Variants in SYT3 observed in about 807,000 individuals in gnomAD.
SYT3 encodes synaptotagmin 3.
In SYT3, 25 loss-of-function variants were observed where a neutral mutation model predicts 50.6. The ratio of observed to expected loss-of-function variants is 0.49; its 90% CI spans 0.36 to 0.69. SYT3 has a LOEUF of 0.69. Ranked by LOEUF, SYT3 falls within the 30% of genes least tolerant of loss-of-function variation. SYT3 has a pLI of 0.00. For synonymous variants in SYT3, 323 were observed against 353.9 expected (o/e 0.91, Z 0.98); for missense variants, 589 against 793.6 (o/e 0.74, Z 3.10).
At chr19:50,626,494 CAG>C (rs200426064) in intron 6 of SYT3, among the ~76,000 whole-genome samples, 2 of 61,408 alleles carry the variant, frequency 3.3e-5, no homozygotes, top group African/African-American at 1.1e-4. Flanking sequence ...GACAGAGGCC[CAG>C]AGAGAGAGGG....
chr19:50,632,865 C>T lies in SYT3; in HGVS notation c.149-54G>A. ...TCAGGATGGGGTCACAGTACATCCT[C>T]CCTCTGCTGTCCCCAAAGAGTTAAC... On this transcript the variant is annotated intron_variant, in intron 3 of 10. Transcript: ENST00000600079. The surrounding 1 kb of genome is among the most constrained non-coding windows in gnomAD (Gnocchi z 4.7). The T allele has an allele frequency of 7.3e-7, 1 of 1,374,612 alleles. No homozygotes were observed. The highest frequency in any genetic ancestry group is 9.6e-7 in the Non-Finnish European group (1 of 1,042,432). 85.2% of individuals were successfully genotyped at this position (1,374,612 alleles called of 1,614,324 possible).
the SYT3 span, among the ~76,000 whole-genome samples, chr19:50,650,268 G>A: frequency 6.6e-6 from 1 of 152,186 alleles, no homozygotes; most frequent in Non-Finnish European, 1.5e-5. Context: ...TCCTAGCCCA[G>A]CACTTCCTGC....
chr19:50,635,269 C>G (rs1470133283), intron 3 of SYT3, among the ~76,000 whole-genome samples: 1 of 152,104 alleles, frequency 6.6e-6, no homozygotes, highest in Non-Finnish European at 1.5e-5. Context: ...TGTTAGAAAC[C>G]AGAGGCAAGG....
intron 6 of SYT3, 173 bp from the exon 7 acceptor site, chr19:50,626,190 C>G: frequency 1.0e-6 from 1 of 962,052 alleles, no homozygotes. Flanking sequence ...CTGGCCACAG[C>G]TGCCCATGAC....
Position 50,637,221 on chromosome 19 carries a change from T to C in SYT3, c.148+43A>G. The C allele has an allele frequency of 6.3e-7, 1 of 1,598,710 alleles. No individual in the cohort carries two copies. The highest frequency in any genetic ancestry group is 8.6e-7 in the Non-Finnish European group (1 of 1,169,400). Reference sequence around the variant, plus strand: ...AGTTCTGCTCCGAGTCTCCTGGCCATAGTGCAAGCAGGGGGCTGGCCAAGA... The same window carrying C: ...AGTTCTGCTCCGAGTCTCCTGGCCACAGTGCAAGCAGGGGGCTGGCCAAGA... On this transcript the variant is annotated intron_variant, in intron 3 of 10. Transcript: ENST00000600079. The surrounding 1 kb of genome is among the most constrained non-coding windows in gnomAD (Gnocchi z 4.9).
At position 50,623,677 on chromosome 19, in the gene SYT3, C is replaced by T. The variant is rs548258547; in HGVS notation, c.1708-922G>A. Among the ~76,000 whole-genome samples the T allele has an allele frequency of 2.1e-5, 3 of 146,192 alleles. No homozygotes were observed. The South Asian group carries it at 6.7e-4, about 33-fold the overall frequency. On this transcript the variant is annotated intron_variant, in intron 9 of 10. Coordinates refer to ENST00000600079, the MANE Select transcript of SYT3 (RefSeq NM_001160329.2). ...ATTAGCAGGGTGAGGTGGCACACGC[C>T]TGTAGTCCCAGCTACTTGGGAGGCT...
chr19:50,655,931 A>G, the SYT3 span: 5 of 949,702 alleles, frequency 5.3e-6, no homozygotes, highest in Middle Eastern at 3.2e-4. Flanking sequence ...CAGTAACTCA[A>G]CATCTGGCAT....
chr19:50,629,249 C>A (rs573609310), intron 6 of SYT3, 45 bp downstream of exon 6: 1 of 1,509,942 alleles, frequency 6.6e-7, no homozygotes, highest in Non-Finnish European at 8.9e-7. Context: ...CCCGGGGGGT[C>A]TCAGGGCCCT....
chr19:50,635,980 T>C (rs538600807), intron 3 of SYT3, among the ~76,000 whole-genome samples: 1 of 152,268 alleles, frequency 6.6e-6, no homozygotes, highest in South Asian at 2.1e-4. Flanking sequence ...CAGCCAGGCG[T>C]GGTGGCTCAT....
At position 50,639,331 on chromosome 19, in the gene SYT3, C is replaced by G. The variant is rs1050171035; in HGVS notation, c.-153-169G>C. On this transcript the variant is annotated intron_variant, in intron 1 of 10. Coordinates refer to ENST00000600079, the MANE Select transcript of SYT3 (RefSeq NM_001160329.2). The surrounding 1 kb of genome is among the most constrained non-coding windows in gnomAD (Gnocchi z 4.6). Reference sequence around the variant, plus strand: ...CAATTCCCGGCAGGTCTCGCGCTCGCGCTGCTGCGGCTTCATAGACCCGGC... The same window carrying G: ...CAATTCCCGGCAGGTCTCGCGCTCGGGCTGCTGCGGCTTCATAGACCCGGC... 1 of 152,108 alleles carries G rather than the reference C, an allele frequency of 6.6e-6. No homozygotes were observed. The highest frequency in any genetic ancestry group is 2.4e-5 in the African/African-American group (1 of 41,398). 9.4% of individuals were successfully genotyped at this position (152,108 alleles called of 1,614,324 possible). A position where few individuals can be genotyped will look rare whatever the true frequency, so the allele number is the denominator to read the frequency against.
chr19:50,633,060 C>T (rs1476080216), intron 3 of SYT3, among the ~76,000 whole-genome samples: 1 of 152,186 alleles, frequency 6.6e-6, no homozygotes, highest in African/African-American at 2.4e-5. Flanking sequence ...CAGCTCACTG[C>T]ACCCTCGAAC....
chr19:50,629,838 G>T lies in SYT3; in HGVS notation c.1008C>A (p.Asp336Glu). 1 of 1,614,110 alleles carries T rather than the reference G, an allele frequency of 6.2e-7. No homozygotes were observed. The highest frequency in any genetic ancestry group is 8.5e-7 in the Non-Finnish European group (1 of 1,179,988). Reference sequence around the variant, plus strand: ...GCAGCAGGTAGATCTTGACGTAGGGGTCTGAGAAGCCGTTGGAGTCCTTGG... The same window carrying T: ...GCAGCAGGTAGATCTTGACGTAGGGTTCTGAGAAGCCGTTGGAGTCCTTGG... ...LPAKDSNGFSDPYVKIYLLPD... is the reference protein window; with the variant it reads ...LPAKDSNGFSEPYVKIYLLPD... The change falls in exon 5 of 11, where the codon GAC (aspartate) becomes GAA (glutamate). Residue 336 changes from aspartate to glutamate, a missense_variant. Transcript: ENST00000600079.
chr19:50,632,805 G>A lies in SYT3; in HGVS notation c.155C>T (p.Ser52Phe). The A allele has an allele frequency of 6.6e-7, 1 of 1,505,580 alleles. No homozygotes were observed. Among genetic ancestry groups the A allele is most frequent in the Non-Finnish European group, 8.9e-7 (1 of 1,129,810 alleles). The allele number at this position is 1,505,580 out of a possible 1,614,324, so 93.3% of individuals were successfully genotyped here. ...CACGATGACCGACAGCAGGCTCACG[G>A]AGATGTCTGGAGAGAACGAGGACAG... ...GYPRGPDADI[S>F]VSLLSVIVTF... Residue 52 changes from serine (S) to phenylalanine (F), a missense_variant, in exon 4 of 11, where the codon TCC (serine) becomes TTC (phenylalanine). Physicochemically the swap from Ser to Phe is radical, Grantham distance 155 (BLOSUM62 -2). Transcript: ENST00000600079. This position sits in a 1 kb window ranked among gnomAD's most constrained non-coding sequence, Gnocchi z 4.7.
At chr19:50,651,825 T>C in the SYT3 span, among the ~76,000 whole-genome samples, 2 of 152,216 alleles carry the variant, frequency 1.3e-5, no homozygotes, top group Admixed American at 1.3e-4. Flanking sequence ...ATTAAATACA[T>C]TTACATATAT....
At chr19:50,654,573 A>T in the SYT3 span, among the ~76,000 whole-genome samples, 1 of 151,588 alleles carries the variant, frequency 6.6e-6, no homozygotes, top group African/African-American at 2.4e-5. Context: ...CTGGGATTAC[A>T]GGAGTGAGCC....
the SYT3 span, among the ~76,000 whole-genome samples, chr19:50,657,025 A>G: frequency 6.7e-6 from 1 of 149,226 alleles, no homozygotes; most frequent in African/African-American, 2.4e-5. Context: ...GAAAGGAAGG[A>G]AGGGAGGGAG....
rs1033236738 is a variant in SYT3, at chr19:50,637,207, G to T, written c.148+57C>A. ...ATGGAAAGCTGAGCAGTTCTGCTCC[G>T]AGTCTCCTGGCCATAGTGCAAGCAG... On this transcript the variant is annotated intron_variant, in intron 3 of 10. Transcript: ENST00000600079. The surrounding 1 kb of genome is among the most constrained non-coding windows in gnomAD (Gnocchi z 4.9). The T allele has an allele frequency of 6.3e-6, 10 of 1,587,876 alleles. No homozygotes were observed. Among genetic ancestry groups the T allele is most frequent in the Non-Finnish European group, 8.6e-6 (10 of 1,162,052 alleles).
At chr19:50,626,166 G>A in intron 6 of SYT3, 149 bp from the exon 7 acceptor site, 7 of 1,291,940 alleles carry the variant, frequency 5.4e-6, no homozygotes, top group Non-Finnish European at 7.3e-6. Flanking sequence ...CTTGGGACAA[G>A]GCCCAGTAAT....
upstream of SYT3, among the ~76,000 whole-genome samples, chr19:50,642,327 C>T (rs1984695514): frequency 6.6e-6 from 1 of 152,248 alleles, no homozygotes; most frequent in African/African-American, 2.4e-5. Context: ...GCCACGCTGC[C>T]ATGACACGTT....
Sources: gnomAD v4.1 joint callset for allele counts (sites outside exome capture counted in the v4.1 genomes callset) on GRCh38, gnomAD v4.1.1 for gene constraint, Gnocchi (gnomAD v3.1) non-coding constraint, MANE v1.5 for transcripts, NCBI Gene and HGNC (gene_info 2026-07-23, HGNC 2026-07-21) for gene names.